Variants in RNF130 observed in about 807,000 individuals in gnomAD.
The protein encoded by RNF130 is ring finger protein 130.
In RNF130, 21 loss-of-function variants were observed where a neutral mutation model predicts 44.6. The ratio of observed to expected loss-of-function variants is 0.47; its 90% CI spans 0.33 to 0.68. The LOEUF is 0.68. RNF130 is among the 30% of genes least tolerant of loss of function. RNF130 has a pLI of 0.02. For missense variants in RNF130, 479 were observed against 560.6 expected (o/e 0.85, Z 1.47); for synonymous variants, 214 against 210.4 (o/e 1.02, Z -0.15).
intron 3 of RNF130, among the ~76,000 whole-genome samples, chr5:180,005,305 G>A (rs1361644323): frequency 2.0e-5 from 3 of 152,146 alleles, no homozygotes; most frequent in Non-Finnish European, 4.4e-5. Flanking sequence ...GTGGGCACCT[G>A]TAATTCCAGC....
intron 7 of RNF130, among the ~76,000 whole-genome samples, chr5:179,947,529 C>T (rs1230515088): frequency 2.0e-5 from 3 of 152,196 alleles, no homozygotes; most frequent in Non-Finnish European, 4.4e-5. Context: ...TGGGGGCCAG[C>T]TTATGTGTTG....
intron 1 of RNF130, among the ~76,000 whole-genome samples, chr5:180,068,976 A>G (rs1017942224): frequency 1.3e-5 from 2 of 152,240 alleles, no homozygotes; most frequent in African/African-American, 2.4e-5. Context: ...AAGATGCACT[A>G]TTTTTTCTAA....
chr5:179,962,592 T>A (rs1468399604), intron 8 of RNF130, among the ~76,000 whole-genome samples: 1 of 152,148 alleles, frequency 6.6e-6, no homozygotes. Context: ...GACTGAACGA[T>A]ATCCTCAGTA....
At chr5:179,922,622 T>A (rs1048539028) in intron 7 of RNF130, among the ~76,000 whole-genome samples, 7 of 151,016 alleles carry the variant, frequency 4.6e-5, no homozygotes, top group African/African-American at 1.7e-4. Flanking sequence ...GCTGTCTTCG[T>A]GTTATCAAGT....
At chr5:180,014,512 C>T (rs1200326785) in intron 2 of RNF130, among the ~76,000 whole-genome samples, 1 of 152,050 alleles carries the variant, frequency 6.6e-6, no homozygotes, top group African/African-American at 2.4e-5. Context: ...AAGGTTTGTA[C>T]ATATCAATGT....
At chr5:179,939,924 G>T in intron 7 of RNF130, 1 of 260,856 alleles carries the variant, frequency 3.8e-6, no homozygotes, top group Admixed American at 4.1e-5. Flanking sequence ...TCCTTCCTCT[G>T]TCTAATCCTT....
intron 1 of RNF130, among the ~76,000 whole-genome samples, chr5:180,060,686 A>G (rs1764956836): frequency 6.6e-6 from 1 of 152,198 alleles, no homozygotes; most frequent in Admixed American, 6.5e-5. Flanking sequence ...ATCTCTACAT[A>G]AATACGTAGT....
At chr5:180,071,322 G>T in intron 1 of RNF130, 134 bp downstream of exon 1, 1 of 852,786 alleles carries the variant, frequency 1.2e-6, no homozygotes, top group Non-Finnish European at 1.6e-6. Context: ...CACGACGGAA[G>T]CCTCGACCCT....
At chr5:179,990,874 T>C (rs1040831374) in intron 3 of RNF130, among the ~76,000 whole-genome samples, 1 of 152,204 alleles carries the variant, frequency 6.6e-6, no homozygotes, top group African/African-American at 2.4e-5. Context: ...GAATAAAGAG[T>C]AATTGCTACA....
chr5:179,958,694 C>CT (rs892404869), intron 8 of RNF130, among the ~76,000 whole-genome samples: 16 of 151,450 alleles, frequency 1.1e-4, no homozygotes, highest in Non-Finnish European at 1.3e-4. Context: ...TTGTTTCTTT[C>CT]TTTTTTTTTG....
intron 1 of RNF130, among the ~76,000 whole-genome samples, chr5:180,046,473 A>G (rs1299028560): frequency 6.6e-6 from 1 of 152,216 alleles, no homozygotes; most frequent in Non-Finnish European, 1.5e-5. Flanking sequence ...AACACGCCAC[A>G]TAAGAAGCAC....
chr5:179,975,025 T>A (rs60407359), intron 5 of RNF130, among the ~76,000 whole-genome samples: 3 of 152,222 alleles, frequency 2.0e-5, no homozygotes, highest in Admixed American at 1.3e-4. Context: ...CTGCAGGTGC[T>A]GCTGTGCCGA....
downstream of RNF130, among the ~76,000 whole-genome samples, chr5:179,954,076 G>GA (rs1351491490): frequency 6.6e-6 from 1 of 152,106 alleles, no homozygotes; most frequent in Non-Finnish European, 1.5e-5. Context: ...ACATCTATAA[G>GA]AAAAAAGACA....
intron 7 of RNF130, among the ~76,000 whole-genome samples, chr5:179,935,515 C>A (rs896033849): frequency 2.0e-5 from 3 of 150,512 alleles, no homozygotes; most frequent in Non-Finnish European, 4.4e-5. Context: ...TATGTCAGCA[C>A]GTGTGTGTGT....
At chr5:179,973,832 C>T (rs758978071) in intron 5 of RNF130, among the ~76,000 whole-genome samples, 5 of 152,134 alleles carry the variant, frequency 3.3e-5, no homozygotes, top group South Asian at 2.1e-4. Context: ...AAGCAGGTAA[C>T]GTGGACAGTG....
intron 2 of RNF130, among the ~76,000 whole-genome samples, chr5:180,026,173 A>T (rs2113113489): frequency 6.6e-6 from 1 of 152,296 alleles, no homozygotes; most frequent in African/African-American, 2.4e-5. Context: ...ATTGATAAAA[A>T]GATTAAAAAG....
intron 7 of RNF130, among the ~76,000 whole-genome samples, chr5:179,922,750 A>G (rs904725606): frequency 1.3e-5 from 2 of 151,056 alleles, no homozygotes; most frequent in Non-Finnish European, 2.9e-5. Flanking sequence ...CCTAGGCAAC[A>G]TGGTGAAACC....
rs908116553 is a variant in RNF130 at position 180,051,191 on chromosome 5, A to G, written c.248-10544T>C. Among the ~76,000 whole-genome samples, 5 of 152,150 alleles carry G rather than the reference A, an allele frequency of 3.3e-5. 1 individual carries two copies. The South Asian group carries it at 1.0e-3, about 32-fold the overall frequency. Reference sequence around the variant, plus strand: ...TTACAATTACCAATTGTAAATAAAAAGGTGATACATTCTTACAACAAATTA... The same window carrying G: ...TTACAATTACCAATTGTAAATAAAAGGGTGATACATTCTTACAACAAATTA... On this transcript the variant is annotated intron_variant, in intron 1 of 8. Transcript: ENST00000521389.
intron 7 of RNF130, among the ~76,000 whole-genome samples, chr5:179,933,242 T>C (rs1388925753): frequency 6.6e-6 from 1 of 152,042 alleles, no homozygotes; most frequent in Non-Finnish European, 1.5e-5. Flanking sequence ...AGAGTTTTTC[T>C]TTGAGGAAAT....
Sources: allele counts gnomAD v4.1 joint callset (sites outside exome capture counted in the v4.1 genomes callset), GRCh38; gene constraint gnomAD v4.1.1; transcripts MANE v1.5; gene names NCBI Gene and HGNC (gene_info 2026-07-23, HGNC 2026-07-21).